The following ULK4 variants were observed in gnomAD, a reference collection of about 807,000 sequenced individuals.
The protein encoded by ULK4 is unc-51 like kinase 4.
In ULK4, 133 loss-of-function variants were observed where a neutral mutation model predicts 160.6. The observed-to-expected ratio is 0.83, with a 90% CI of 0.72 to 0.96. The LOEUF (loss-of-function observed/expected upper bound fraction) is 0.96. Ranked by LOEUF, ULK4 falls within the 40% of genes least tolerant of loss-of-function variation. The probability of loss-of-function intolerance (pLI) is 0.00; values close to 1 mark genes in which losing one functional copy is unlikely to be tolerated. For synonymous variants in ULK4, 534 were observed against 539.8 expected, an observed-to-expected ratio of 0.99 and a Z score of 0.15; for missense variants, 1,580 against 1,499.5, an observed-to-expected ratio of 1.05 and a Z score of -0.89.
intron 34 of ULK4, among the ~76,000 whole-genome samples, chr3:41,408,080 A>G (rs982095222): frequency 2.6e-5 from 4 of 152,088 alleles, no homozygotes; most frequent in African/African-American, 9.7e-5. Flanking sequence ...AAATAATTTC[A>G]TTTATAATAG....
intron 14 of ULK4, among the ~76,000 whole-genome samples, chr3:41,897,871 A>C (rs762558630): frequency 6.6e-6 from 1 of 152,230 alleles, no homozygotes; most frequent in Non-Finnish European, 1.5e-5. Flanking sequence ...TTAACAGCTT[A>C]AAATATAATT....
intron 17 of ULK4, among the ~76,000 whole-genome samples, chr3:41,864,253 T>G (rs187637015): frequency 6.6e-6 from 1 of 152,236 alleles, no homozygotes; most frequent in African/African-American, 2.4e-5. Flanking sequence ...GCCTCACAAT[T>G]GCTATGTTCT....
chr3:41,350,693 G>A (rs1026700119), intron 35 of ULK4, among the ~76,000 whole-genome samples: 3 of 151,396 alleles, frequency 2.0e-5, no homozygotes, highest in African/African-American at 7.3e-5. Flanking sequence ...ACTCACTGGG[G>A]TAGCCTCTGC....
intron 35 of ULK4, among the ~76,000 whole-genome samples, chr3:41,360,240 G>A (rs1455550480): frequency 5.3e-5 from 8 of 152,084 alleles, no homozygotes; most frequent in Admixed American, 5.2e-4. Flanking sequence ...CAGTCAGAAT[G>A]GCTACTATTA....
At chr3:41,741,709 A>G (rs1407120727) in intron 22 of ULK4, among the ~76,000 whole-genome samples, 1 of 151,962 alleles carries the variant, frequency 6.6e-6, no homozygotes, top group Non-Finnish European at 1.5e-5. Flanking sequence ...GCAGTATTTA[A>G]AAGTCACTGT....
intron 25 of ULK4, among the ~76,000 whole-genome samples, chr3:41,706,350 TATATATATATTTATATATATATTTA>T (rs1346323506): frequency 2.1e-5 from 3 of 144,714 alleles, no homozygotes; most frequent in African/African-American, 7.7e-5. Context: ...AACAAAATAA[TATATATATATTTATATATATATTTA>T]ATATATATAT....
At chr3:41,370,862 C>T (rs1469242273) in intron 35 of ULK4, among the ~76,000 whole-genome samples, 3 of 152,192 alleles carry the variant, frequency 2.0e-5, no homozygotes, top group African/African-American at 7.2e-5. Flanking sequence ...CGGATTCTAC[C>T]CCCATGGAGC....
chr3:41,765,751 A>T (rs551807440), intron 21 of ULK4, among the ~76,000 whole-genome samples: 1 of 152,218 alleles, frequency 6.6e-6, no homozygotes, highest in Non-Finnish European at 1.5e-5. Context: ...ATAATACTAT[A>T]TATCTTTCAA....
rs1559594210 is a variant in ULK4 at position 41,835,851 on chromosome 3, C to T, written c.1764+13G>A. 6.4e-7 allele frequency: 1 copy of T among 1,551,978 alleles called. No homozygotes were observed. The highest frequency in any genetic ancestry group is 1.1e-5 in the South Asian group (1 of 87,026). On this transcript the variant is annotated intron_variant, in intron 18 of 36. Coordinates refer to ENST00000301831, the MANE Select transcript of ULK4 (RefSeq NM_017886.4). ...CATGTCAAACAGCAACAGAGTTAAT[C>T]AGACAGTCTCACCTGGGTGGCTACA...
chr3:41,651,888 T>C (rs1378658198), intron 30 of ULK4, among the ~76,000 whole-genome samples: 1 of 152,160 alleles, frequency 6.6e-6, no homozygotes, highest in Non-Finnish European at 1.5e-5. Flanking sequence ...ACTGAGTGAC[T>C]CAAGCCTGGG....
intron 18 of ULK4, among the ~76,000 whole-genome samples, chr3:41,823,831 T>A (rs1041492566): frequency 1.3e-5 from 2 of 152,148 alleles, no homozygotes; most frequent in Admixed American, 1.3e-4. Flanking sequence ...CACATTATCA[T>A]CCCTTTATTC....
intron 23 of ULK4, among the ~76,000 whole-genome samples, chr3:41,716,772 T>C (rs924109536): frequency 6.6e-6 from 1 of 152,214 alleles, no homozygotes; most frequent in African/African-American, 2.4e-5. Flanking sequence ...CAAGGTTATT[T>C]TAATTTCTGC....
At chr3:41,515,911 T>C (rs1374177198) in intron 32 of ULK4, among the ~76,000 whole-genome samples, 1 of 152,174 alleles carries the variant, frequency 6.6e-6, no homozygotes, top group African/African-American at 2.4e-5. Flanking sequence ...AATCAGAAGA[T>C]TGATGAACAC....
chr3:41,770,424 T>G (rs2039313542), intron 21 of ULK4, among the ~76,000 whole-genome samples: 2 of 152,080 alleles, frequency 1.3e-5, no homozygotes, highest in South Asian at 4.1e-4. Context: ...CTCCTTCACA[T>G]CCATAAAATA....
intron 32 of ULK4, among the ~76,000 whole-genome samples, chr3:41,486,212 AT>A (rs1422778167): frequency 6.6e-6 from 1 of 152,148 alleles, no homozygotes; most frequent in Non-Finnish European, 1.5e-5. Flanking sequence ...AATTGCAGTA[AT>A]TGGGCTATTA....
chr3:41,272,107 G>T lies in ULK4; in HGVS notation c.3679-22533C>A, dbSNP rs1217320345. Among the ~76,000 whole-genome samples, 4 of 151,864 alleles carry T rather than the reference G, an allele frequency of 2.6e-5. No individual in the cohort carries two copies. The East Asian group carries it at 7.8e-4, about 30-fold the overall frequency. On this transcript the variant is annotated intron_variant, in intron 35 of 36. Coordinates refer to ENST00000301831, the MANE Select transcript of ULK4 (RefSeq NM_017886.4). ...AACTTTTGTATTTTTAGTAGAGATG[G>T]GGTTTTGCCATGTTGGCCAGGCTAG...
At chr3:41,717,103 T>C (rs901383452) in intron 23 of ULK4, among the ~76,000 whole-genome samples, 1 of 152,072 alleles carries the variant, frequency 6.6e-6, no homozygotes, top group Non-Finnish European at 1.5e-5. Context: ...GAACATACAG[T>C]AAAATAGAAG....
chr3:41,376,570 T>C lies in ULK4; in HGVS notation c.3678+21509A>G, dbSNP rs988234396. On this transcript the variant is annotated intron_variant, in intron 35 of 36. Coordinates refer to ENST00000301831, the MANE Select transcript of ULK4 (RefSeq NM_017886.4). Reference sequence around the variant, plus strand: ...TGTACAAAAATCACAAGCATTCTTATACACCAATAACAGACAAACAGAGAG... The same window carrying C: ...TGTACAAAAATCACAAGCATTCTTACACACCAATAACAGACAAACAGAGAG... 1.8e-4 allele frequency among the ~76,000 whole-genome samples: 27 copies of C among 149,910 alleles called. 3 individuals are homozygous for C. Among genetic ancestry groups the C allele is most frequent in the African/African-American group, 6.7e-4 (27 of 40,046 alleles).
chr3:41,658,729 A>ACACACACACACACACACACACACTGT (rs1491518992), intron 30 of ULK4, among the ~76,000 whole-genome samples: 7,008 of 112,314 alleles, frequency 0.062, 429 homozygotes, highest in African/African-American at 0.24. Context: ...GAAAAACAGT[A>ACACACACACACACACACACACACTGT]CACACACACA....
Sources: allele counts gnomAD v4.1 joint callset (sites outside exome capture counted in the v4.1 genomes callset), GRCh38; gene constraint gnomAD v4.1.1; transcripts MANE v1.5; gene names NCBI Gene and HGNC (gene_info 2026-07-23, HGNC 2026-07-21).